The following NRXN3 variants were observed in gnomAD, a reference collection of about 807,000 sequenced individuals.
NRXN3 encodes the protein neurexin 3, also known as neurexin III.
A neutral mutation model predicts 137.6 loss-of-function variants in NRXN3; 32 were observed. The observed-to-expected ratio is 0.23, with a 90% CI of 0.18 to 0.31. The LOEUF (loss-of-function observed/expected upper bound fraction) is 0.31, where lower values mean the gene tolerates loss of function less well. NRXN3 is among the 10% of genes least tolerant of loss of function. The pLI, the probability that NRXN3 is intolerant of heterozygous loss-of-function variation, is 1.00. For synonymous variants in NRXN3, 798 were observed against 784.5 expected, an observed-to-expected ratio of 1.02 and a Z score of -0.29; for missense variants, 1,574 against 2,062.5, an observed-to-expected ratio of 0.76 and a Z score of 4.59.
intron 15 of NRXN3, among the ~76,000 whole-genome samples, chr14:79,358,613 GAAA>G (rs2093546989): frequency 7.7e-6 from 1 of 129,064 alleles, no homozygotes; most frequent in Non-Finnish European, 1.6e-5. Flanking sequence ...GAAAGAGAAA[GAAA>G]GAAAGAAAGA....
At chr14:79,153,075 T>G (rs1182969006) in intron 15 of NRXN3, among the ~76,000 whole-genome samples, 1 of 151,980 alleles carries the variant, frequency 6.6e-6, no homozygotes, top group Non-Finnish European at 1.5e-5. Context: ...AAATGTTTCC[T>G]GATTTGGGAA....
At chr14:79,486,919 CTCTCTCTCTCTCTCT>C (rs2096661123) in intron 16 of NRXN3, among the ~76,000 whole-genome samples, 1 of 12,662 alleles carries the variant, frequency 7.9e-5, no homozygotes, top group Admixed American at 2.0e-3. Flanking sequence ...CAGGTTCTCT[CTCTCTCTCTCTCTCT>C]CTCTCTCTCT....
At chr14:78,879,072 A>C (rs10130442) in intron 10 of NRXN3, among the ~76,000 whole-genome samples, 2 of 152,120 alleles carry the variant, frequency 1.3e-5, no homozygotes, top group African/African-American at 4.8e-5. Flanking sequence ...GGTTGTGTAC[A>C]TATACCATGT....
intron 15 of NRXN3, among the ~76,000 whole-genome samples, chr14:79,107,962 G>T (rs1483326427): frequency 6.6e-6 from 1 of 152,108 alleles, no homozygotes; most frequent in African/African-American, 2.4e-5. Flanking sequence ...GATTAAATAT[G>T]GTTAGTATCT....
At chr14:78,837,684 T>C (rs2099000928) in intron 10 of NRXN3, among the ~76,000 whole-genome samples, 1 of 152,152 alleles carries the variant, frequency 6.6e-6, no homozygotes. Context: ...TGGGTTCTTC[T>C]GGTCTCAGGC....
intron 15 of NRXN3, among the ~76,000 whole-genome samples, chr14:79,162,999 C>G (rs11621986): frequency 0.064 from 9,685 of 151,770 alleles, 567 homozygotes; most frequent in Admixed American, 0.2. Context: ...TTTTTCTTCT[C>G]TCTGTCTCTC....
intron 15 of NRXN3, among the ~76,000 whole-genome samples, chr14:79,180,853 G>A (rs924488477): frequency 2.6e-5 from 4 of 151,982 alleles, no homozygotes; most frequent in Admixed American, 2.0e-4. Context: ...TCATTACTAC[G>A]TACTACAGTC....
intron 4 of NRXN3, among the ~76,000 whole-genome samples, chr14:78,359,116 AT>A (rs1274872677): frequency 6.6e-6 from 1 of 152,076 alleles, no homozygotes. Context: ...GCCATTATAT[AT>A]TTTTTTCCAG....
In NRXN3 at chr14:79,801,539, CGT is replaced by C. The variant is rs142618924; in HGVS notation, c.4015-3567_4015-3566del. ...GATTAATAGTGAAGTAACTAAGTGA[CGT>C]GTGTGCACGCACACACACACATCCC... On this transcript the variant is annotated intron_variant, in intron 19 of 20. Transcript: ENST00000335750. 2.2e-3 allele frequency among the ~76,000 whole-genome samples: 330 copies of C among 152,302 alleles called. 9 individuals carry two copies. The East Asian group carries it at 0.043, about 20-fold the overall frequency.
chr14:78,952,298 A>G (rs1282371589), intron 10 of NRXN3, among the ~76,000 whole-genome samples: 1 of 152,246 alleles, frequency 6.6e-6, no homozygotes, highest in African/African-American at 2.4e-5. Flanking sequence ...CAAAACAAAC[A>G]AAACACCTCC....
intron 10 of NRXN3, among the ~76,000 whole-genome samples, chr14:78,827,615 A>C (rs1438728335): frequency 6.6e-6 from 1 of 152,260 alleles, no homozygotes; most frequent in Non-Finnish European, 1.5e-5. Context: ...CTGACAGGTC[A>C]TGCCATTTTC....
intron 15 of NRXN3, among the ~76,000 whole-genome samples, chr14:79,197,560 T>G (rs1358347789): frequency 6.6e-6 from 1 of 152,046 alleles, no homozygotes; most frequent in African/African-American, 2.4e-5. Flanking sequence ...AATTTCTTTT[T>G]TTTTTTAATT....
At chr14:79,751,700 C>T (rs1399925333) in intron 19 of NRXN3, among the ~76,000 whole-genome samples, 1 of 150,018 alleles carries the variant, frequency 6.7e-6, no homozygotes, top group Non-Finnish European at 1.5e-5. Flanking sequence ...ATGATATTGG[C>T]TGTGGGTTTG....
At chr14:78,876,966 G>C (rs1182954232) in intron 10 of NRXN3, among the ~76,000 whole-genome samples, 1 of 152,074 alleles carries the variant, frequency 6.6e-6, no homozygotes, top group Non-Finnish European at 1.5e-5. Context: ...GTTTTCTACT[G>C]GTCTACTATT....
chr14:79,426,264 A>T (rs778422893), intron 15 of NRXN3, among the ~76,000 whole-genome samples: 1 of 152,184 alleles, frequency 6.6e-6, no homozygotes, highest in Non-Finnish European at 1.5e-5. Flanking sequence ...CAGCTATAGC[A>T]GCTTTCTCCC....
At chr14:79,839,838 G>C (rs2099352148) in intron 20 of NRXN3, among the ~76,000 whole-genome samples, 1 of 152,156 alleles carries the variant, frequency 6.6e-6, no homozygotes, top group African/African-American at 2.4e-5. Context: ...CTTTCAAAAT[G>C]TTACTGCTTG....
At chr14:79,243,684 G>T (rs77531907) in intron 15 of NRXN3, among the ~76,000 whole-genome samples, 47 of 152,044 alleles carry the variant, frequency 3.1e-4, no homozygotes, top group Non-Finnish European at 6.0e-4. Context: ...AACTCATACA[G>T]CATGTTACTG....
At chr14:79,671,086 TTA>T (rs2098605257) in intron 17 of NRXN3, among the ~76,000 whole-genome samples, 1 of 152,154 alleles carries the variant, frequency 6.6e-6, no homozygotes, top group South Asian at 2.1e-4. Context: ...TGCCGAACAT[TTA>T]TGACATACTC....
intron 15 of NRXN3, among the ~76,000 whole-genome samples, chr14:79,379,766 A>G (rs2094411329): frequency 6.6e-6 from 1 of 152,150 alleles, no homozygotes; most frequent in Admixed American, 6.6e-5. Context: ...CTGTTTGGCC[A>G]CTTTCCCCCA....
Sources: allele counts gnomAD v4.1 joint callset (sites outside exome capture counted in the v4.1 genomes callset), GRCh38; gene constraint gnomAD v4.1.1; transcripts MANE v1.5; gene names NCBI Gene and HGNC (gene_info 2026-07-23, HGNC 2026-07-21).